The following ASMTL variants were observed in gnomAD, a reference collection of about 807,000 sequenced individuals.
ASMTL encodes the protein probable bifunctional dTTP/UTP pyrophosphatase/methyltransferase protein.
Under a neutral mutation model 60.3 loss-of-function variants are expected in ASMTL, and 57 were observed. The observed-to-expected ratio is 0.95, with a 90% confidence interval of 0.76 to 1.18. The LOEUF (loss-of-function observed/expected upper bound fraction) is 1.18, where lower values mean the gene tolerates loss of function less well. Among genes scored for constraint, ASMTL ranks in the 50% most tolerant of loss-of-function variants. The probability of loss-of-function intolerance (pLI) is 0.00; values close to 1 mark genes in which losing one functional copy is unlikely to be tolerated. For synonymous variants in ASMTL, 419 were observed against 373.0 expected (o/e 1.12, Z -1.42); for missense variants, 981 against 852.6 (o/e 1.15, Z -1.88).
chrX:1,420,542 C>T (rs778726825), intron 9 of ASMTL, among the ~76,000 whole-genome samples: 10 of 152,322 alleles, frequency 6.6e-5, no homozygotes, highest in African/African-American at 1.2e-4. Flanking sequence ...CACGGCCAGC[C>T]GAGCCCACAG....
At chrX:1,453,014 C>G, upstream of ASMTL, 5 of 550,400 alleles carry the variant, frequency 9.1e-6, no homozygotes, top group Non-Finnish European at 1.2e-5. Context: ...CCCGCGAGAC[C>G]GCGCCCAGGC....
chrX:1,434,135 G>A (rs1368882472), intron 5 of ASMTL, among the ~76,000 whole-genome samples: 1 of 152,146 alleles, frequency 6.6e-6, no homozygotes, highest in Non-Finnish European at 1.5e-5. Context: ...AGCTGGGAAT[G>A]GGTTGGTGCA....
In ASMTL at chrX:1,448,112, A is replaced by G. The variant is rs372326369; in HGVS notation, c.93+4636T>C. The stretch of plus-strand genomic sequence containing the variant: ...ACAGCCATCTTGGATAAGCACCACC[A>G]TCTTGGACACACACCATCTTGGACA... On this transcript the variant is annotated intron_variant, in intron 1 of 12. Transcript: ENST00000381317. Among the ~76,000 whole-genome samples, 6 of 145,662 alleles carry G rather than the reference A, an allele frequency of 4.1e-5. No individual in the cohort carries two copies. In the East Asian group the frequency reaches 6.4e-4, roughly 15 times the overall value.
intron 2 of ASMTL, among the ~76,000 whole-genome samples, chrX:1,440,242 G>A (rs866921617): frequency 3.2e-4 from 49 of 152,032 alleles, no homozygotes; most frequent in Middle Eastern, 3.4e-3. Context: ...GCCCGCCACC[G>A]CGCCCAGCCA....
intron 9 of ASMTL, among the ~76,000 whole-genome samples, chrX:1,419,667 G>A (rs1367836414): frequency 1.3e-4 from 20 of 152,224 alleles, no homozygotes; most frequent in South Asian, 1.0e-3. Context: ...TCCAGGGTTC[G>A]CCTGGACATC....
chrX:1,428,805 TGGCAATTTACCA>T (rs1301204235), intron 6 of ASMTL, among the ~76,000 whole-genome samples: 1 of 146,390 alleles, frequency 6.8e-6, no homozygotes, highest in Non-Finnish European at 1.5e-5. Flanking sequence ...TCTAGTGTGC[TGGCAATTTACCA>T]GTAAGACACT....
intron 6 of ASMTL, among the ~76,000 whole-genome samples, chrX:1,430,588 T>C (rs1453862793): frequency 1.3e-5 from 2 of 151,548 alleles, no homozygotes; most frequent in Admixed American, 6.6e-5. Context: ...CTGGGCAACA[T>C]AGTGAGACCC....
chrX:1,418,964 G>A lies in ASMTL; in HGVS notation c.1378+18C>T. 1 of 1,611,074 alleles carries A rather than the reference G, an allele frequency of 6.2e-7. No individual in the cohort carries two copies. The highest frequency in any genetic ancestry group is 8.5e-7 in the Non-Finnish European group (1 of 1,179,792). ...AATAAACGAAAGTAAGGAGAGCCCT[G>A]GCGGGGGGGCCACCCACCTCCCACG... On this transcript the variant is annotated intron_variant, in intron 10 of 12. Transcript: ENST00000381317.
intron 5 of ASMTL, among the ~76,000 whole-genome samples, chrX:1,433,135 G>C (rs1463568044): frequency 2.0e-5 from 3 of 152,162 alleles, no homozygotes; most frequent in Admixed American, 2.0e-4. Context: ...TGTTTGGTCT[G>C]TGCCTCAGGG....
intron 11 of ASMTL, among the ~76,000 whole-genome samples, chrX:1,416,045 GCA>G (rs5901175): frequency 0.93 from 139,367 of 150,272 alleles, 65,210 homozygotes; most frequent in East Asian, 1. Context: ...ACAGTGACAG[GCA>G]CACGCGCACA....
chrX:1,407,984 C>G (rs1442050588), intron 12 of ASMTL, among the ~76,000 whole-genome samples: 1 of 151,824 alleles, frequency 6.6e-6, no homozygotes, highest in Non-Finnish European at 1.5e-5. Flanking sequence ...GCAGGAGGAT[C>G]GCTTGAGCCC....
rs1185119100 is a variant in ASMTL at position 1,418,106 on chromosome X, A to G, written c.1389T>C (p.Gly463=). Residue 463 remains glycine, a synonymous_variant, in exon 11 of 13, where the codon GGT becomes GGC. Coordinates refer to ENST00000381317, the MANE Select transcript of ASMTL (RefSeq NM_004192.4). Reference sequence around the variant, plus strand: ...CACGGGCCAGCTCTCGGGCCAGTGCACCCGTGCAGCCTGCGGGGAAGCAAA... The same window carrying G: ...CACGGGCCAGCTCTCGGGCCAGTGCGCCCGTGCAGCCTGCGGGGAAGCAAA... ...SSACDVGGCT[G]ALARELAREY... 7.5e-6 allele frequency: 12 copies of G among 1,605,510 alleles called. No individual in the cohort carries two copies. The highest frequency in any genetic ancestry group is 1.3e-5 in the African/African-American group (1 of 74,860).
At chrX:1,415,354 G>A (rs1248123724) in intron 11 of ASMTL, among the ~76,000 whole-genome samples, 1 of 152,162 alleles carries the variant, frequency 6.6e-6, no homozygotes, top group African/African-American at 2.4e-5. Flanking sequence ...GCCCATGAAT[G>A]CTGATCTCGG....
chrX:1,415,003 C>T (rs1252407740), intron 11 of ASMTL, among the ~76,000 whole-genome samples: 1 of 151,468 alleles, frequency 6.6e-6, no homozygotes, highest in African/African-American at 2.4e-5. Context: ...TGCAGTGGCG[C>T]GATCTCGGCT....
intron 12 of ASMTL, among the ~76,000 whole-genome samples, chrX:1,410,709 G>C (rs1202911864): frequency 1.3e-5 from 2 of 151,100 alleles, no homozygotes; most frequent in Non-Finnish European, 2.9e-5. Flanking sequence ...ACCGTGCCCG[G>C]TCTCAGAAAA....
chrX:1,433,403 C>T (rs1179018412), intron 5 of ASMTL, among the ~76,000 whole-genome samples: 21 of 149,730 alleles, frequency 1.4e-4, no homozygotes, highest in South Asian at 2.1e-4. Context: ...CGGTGGCTCA[C>T]GCCTGTCATC....
chrX:1,433,758 G>C (rs5949135), intron 5 of ASMTL, among the ~76,000 whole-genome samples: 1 of 151,890 alleles, frequency 6.6e-6, no homozygotes, highest in Non-Finnish European at 1.5e-5. Flanking sequence ...GGTGTTGGCA[G>C]AGCTGTGCCA....
At chrX:1,414,886 G>A (rs2090175271) in intron 11 of ASMTL, among the ~76,000 whole-genome samples, 1 of 152,128 alleles carries the variant, frequency 6.6e-6, no homozygotes, top group Non-Finnish European at 1.5e-5. Flanking sequence ...TGTGCCCACA[G>A]GCCTGGCCGC....
In ASMTL at chrX:1,442,201, G is replaced by T. The variant is rs1427239530; in HGVS notation, c.210C>A (p.Ala70=). ...GGCCCCTTGCCTGGTACAGCCGGTT[G>T]GCCACCTCCAGGGCCTTCTGCTTGG... ...ETAKQKALEV[A]NRLYQKDLRA... Residue 70 remains alanine (A), a synonymous_variant, in exon 2 of 13, where the codon GCC becomes GCA. Coordinates refer to ENST00000381317, the MANE Select transcript of ASMTL (RefSeq NM_004192.4). 6.2e-7 allele frequency: 1 copy of T among 1,613,724 alleles called. No homozygotes were observed. Among genetic ancestry groups the T allele is most frequent in the South Asian group, 1.1e-5 (1 of 91,068 alleles).
Sources: allele counts gnomAD v4.1 joint callset (sites outside exome capture counted in the v4.1 genomes callset), GRCh38; gene constraint gnomAD v4.1.1; transcripts MANE v1.5; gene names NCBI Gene and HGNC (gene_info 2026-07-23, HGNC 2026-07-21).